Variants in UBR1 observed in about 807,000 individuals in gnomAD.
UBR1 encodes the protein ubiquitin protein ligase E3 component n-recognin 1, also known as E3 ubiquitin-protein ligase UBR1.
In UBR1, 102 loss-of-function variants were observed where a neutral mutation model predicts 242.1. That is an observed-to-expected ratio of 0.42 (90% CI 0.36 to 0.50). The LOEUF (loss-of-function observed/expected upper bound fraction) is 0.50. UBR1 is among the 20% of genes least tolerant of loss of function. The probability of loss-of-function intolerance (pLI) is 0.01; values close to 1 mark genes in which losing one functional copy is unlikely to be tolerated. For synonymous variants in UBR1, 675 were observed against 684.8 expected (o/e 0.99, Z 0.22); for missense variants, 1,772 against 2,101.8 (o/e 0.84, Z 3.07).
intron 41 of UBR1, 135 bp downstream of exon 41, chr15:42,966,018 T>C (rs2032099792): frequency 7.5e-7 from 1 of 1,335,132 alleles, no homozygotes; most frequent in African/African-American, 1.5e-5. Flanking sequence ...GGCTCATGTT[T>C]GAAGGGAACA....
intron 37 of UBR1, among the ~76,000 whole-genome samples, chr15:42,980,822 G>C (rs562153912): frequency 6.6e-6 from 1 of 152,168 alleles, no homozygotes; most frequent in South Asian, 2.1e-4. Flanking sequence ...GGCTGGTCTC[G>C]AACTCCTGAG....
At chr15:43,059,258 T>A in intron 8 of UBR1, 66 bp from the exon 9 acceptor site, 1 of 1,416,790 alleles carries the variant, frequency 7.1e-7, no homozygotes, top group African/African-American at 1.4e-5. Context: ...TAGAGATGAG[T>A]CTCACTCTGT....
chr15:43,000,205 G>C (rs1184044735), intron 32 of UBR1, among the ~76,000 whole-genome samples: 1 of 152,130 alleles, frequency 6.6e-6, no homozygotes, highest in Non-Finnish European at 1.5e-5. Context: ...GTAAGTCGAA[G>C]TATCTAATAA....
chr15:43,025,256 A>G, intron 24 of UBR1, 125 bp downstream of exon 24: 1 of 956,050 alleles, frequency 1.0e-6, no homozygotes, highest in East Asian at 2.6e-5. Flanking sequence ...AGAAGCAAAA[A>G]GCTCTTTGCA....
At chr15:43,066,298 A>G (rs1013856093) in intron 6 of UBR1, among the ~76,000 whole-genome samples, 3 of 151,968 alleles carry the variant, frequency 2.0e-5, no homozygotes, top group African/African-American at 7.2e-5. Flanking sequence ...CTTATTTCTG[A>G]GTTCTCTATT....
chr15:42,979,578 T>C (rs1418954067), intron 37 of UBR1, among the ~76,000 whole-genome samples: 1 of 151,992 alleles, frequency 6.6e-6, no homozygotes, highest in Non-Finnish European at 1.5e-5. Context: ...TGAGATGGAG[T>C]CTCACTCTGT....
In UBR1 at chr15:42,976,763, C is replaced by A; in HGVS notation, c.4323G>T (p.Leu1441Phe). The A allele has an allele frequency of 6.2e-7, 1 of 1,613,944 alleles. No homozygotes were observed. Among genetic ancestry groups the A allele is most frequent in the South Asian group, 1.1e-5 (1 of 91,058 alleles). Residue 1441 changes from leucine (L) to phenylalanine (F), a missense_variant, in exon 39 of 47, where the codon TTG (leucine) becomes TTT (phenylalanine). By Grantham distance (22) the Leu-to-Phe change is conservative. Transcript: ENST00000290650. ...TCTGAAGCATGTGTGCCATGGTGAT[C>A]AAATGGAAGAGATAAAGGTGGTTAT... ...SSYNHLYLFHLITMAHMLQIL... is the reference protein window; with the variant it reads ...SSYNHLYLFHFITMAHMLQIL...
intron 11 of UBR1, 113 bp from the exon 12 acceptor site, chr15:43,055,012 G>A: frequency 8.0e-7 from 1 of 1,255,204 alleles, no homozygotes; most frequent in East Asian, 2.5e-5. Context: ...GTTTGTTATT[G>A]AATGTTAAAC....
At chr15:43,076,197 G>C (rs1567144874) in intron 3 of UBR1, among the ~76,000 whole-genome samples, 5 of 151,086 alleles carry the variant, frequency 3.3e-5, no homozygotes, top group Admixed American at 2.0e-4. Flanking sequence ...GGCCGGGCCA[G>C]TCTCCAGCCC....
At chr15:43,020,690 C>T (rs62020741) in intron 27 of UBR1, among the ~76,000 whole-genome samples, 1 of 152,228 alleles carries the variant, frequency 6.6e-6, no homozygotes, top group East Asian at 1.9e-4. Flanking sequence ...CTGGCCACCC[C>T]TCTGATCTCA....
intron 12 of UBR1, 22 bp downstream of exon 12, chr15:43,054,720 C>T: frequency 6.2e-7 from 1 of 1,613,836 alleles, no homozygotes; most frequent in South Asian, 1.1e-5. Context: ...GGTGCCCTCA[C>T]CTTTTGACTT....
At chr15:43,062,788 G>A (rs2033704418) in intron 6 of UBR1, among the ~76,000 whole-genome samples, 4 of 152,022 alleles carry the variant, frequency 2.6e-5, no homozygotes, top group Admixed American at 2.6e-4. Context: ...AGGGGTGGGA[G>A]TAGATCAACT....
Position 43,093,867 on chromosome 15 carries a change from T to G in UBR1, c.82-7627A>C, listed in dbSNP as rs116029532. 9.6e-3 allele frequency among the ~76,000 whole-genome samples: 1,465 copies of G among 152,010 alleles called. 33 individuals carry two copies. The highest frequency in any genetic ancestry group is 0.034 in the African/African-American group (1,415 of 41,442). On this transcript the variant is annotated intron_variant, in intron 1 of 46. Transcript: ENST00000290650. The stretch of plus-strand genomic sequence containing the variant: ...ATCTACTTTCCTGTAACTTTTATCC[T>G]GTTACTGAAATAAACCAATATAATT...
chr15:42,967,046 A>G (rs2032116771), intron 40 of UBR1, among the ~76,000 whole-genome samples: 1 of 151,700 alleles, frequency 6.6e-6, no homozygotes, highest in Non-Finnish European at 1.5e-5. Context: ...CAGCCTCCCG[A>G]GTATCTGGGA....
intron 12 of UBR1, 149 bp from the exon 13 acceptor site, chr15:43,048,640 T>C (rs2141327650): frequency 1.5e-6 from 1 of 661,326 alleles, no homozygotes; most frequent in East Asian, 2.7e-5. Flanking sequence ...CTAGAATTAT[T>C]TATTCTGCCT....
At position 42,944,947 on chromosome 15, in the gene UBR1, T is replaced by A. The variant is rs1190903453; in HGVS notation, c.*382A>T. On this transcript the variant is annotated 3_prime_UTR_variant, in exon 47 of 47. Coordinates refer to ENST00000290650, the MANE Select transcript of UBR1 (RefSeq NM_174916.3). The stretch of plus-strand genomic sequence containing the variant: ...AATTTTGTCAGTGATCCAATGTCAG[T>A]TGAACTAAACTTGGGGGGAAAACAC... 3 of 256,900 alleles carry A rather than the reference T, an allele frequency of 1.2e-5. No individual in the cohort carries two copies. The highest frequency in any genetic ancestry group is 1.5e-5 in the Non-Finnish European group (2 of 131,060). The allele number at this position is 256,900 out of a possible 1,614,324, so 15.9% of individuals were successfully genotyped here. A position where few individuals can be genotyped will look rare whatever the true frequency, so the allele number is the denominator to read the frequency against.
chr15:43,059,204 A>G lies in UBR1; in HGVS notation c.986-12T>C. The G allele has an allele frequency of 6.2e-7, 1 of 1,605,692 alleles. No individual in the cohort carries two copies. Among genetic ancestry groups the G allele is most frequent in the Non-Finnish European group, 8.5e-7 (1 of 1,172,442 alleles). Reference sequence around the variant, plus strand: ...CTGCCTAAAGTCACCTACAAACAAAAGAGGTCACACAGTTACACAACTTGT... The same window carrying G: ...CTGCCTAAAGTCACCTACAAACAAAGGAGGTCACACAGTTACACAACTTGT... On this transcript the variant is annotated splice_polypyrimidine_tract_variant and intron_variant, in intron 8 of 46. Coordinates refer to ENST00000290650, the MANE Select transcript of UBR1 (RefSeq NM_174916.3).
intron 6 of UBR1, among the ~76,000 whole-genome samples, chr15:43,065,921 G>C (rs2033747297): frequency 6.6e-6 from 1 of 152,076 alleles, no homozygotes; most frequent in Non-Finnish European, 1.5e-5. Context: ...TCTGTAGGTT[G>C]TTCACTCTGA....
At chr15:42,958,172 C>A in intron 43 of UBR1, 82 bp from the exon 44 acceptor site, 2 of 921,750 alleles carry the variant, frequency 2.2e-6, no homozygotes, top group Non-Finnish European at 3.4e-6. Context: ...AGAAGAATGT[C>A]TTAAAAATAA....
Sources: allele counts gnomAD v4.1 joint callset (sites outside exome capture counted in the v4.1 genomes callset), GRCh38; gene constraint gnomAD v4.1.1; transcripts MANE v1.5; gene names NCBI Gene and HGNC (gene_info 2026-07-23, HGNC 2026-07-21).